Variants in UHRF2 observed in about 807,000 individuals in gnomAD.
UHRF2 encodes the protein E3 ubiquitin-protein ligase UHRF2.
Under a neutral mutation model 96.8 loss-of-function variants are expected in UHRF2, and 23 were observed. The observed-to-expected ratio is 0.24, with a 90% CI of 0.17 to 0.34. The LOEUF (loss-of-function observed/expected upper bound fraction) is 0.34, where lower values mean the gene tolerates loss of function less well. Among genes scored for constraint, UHRF2 ranks in the 10% least tolerant of loss-of-function variants. UHRF2 has a pLI of 1.00. For synonymous variants in UHRF2, 385 were observed against 332.6 expected (o/e 1.16, Z -1.72); for missense variants, 685 against 981.5 (o/e 0.70, Z 4.04).
At chr9:6,445,998 T>TTTCTTCTTC (rs1554624515) in intron 3 of UHRF2, among the ~76,000 whole-genome samples, 1 of 129,870 alleles carries the variant, frequency 7.7e-6, no homozygotes. Flanking sequence ...TTTTTTTTTT[T>TTTCTTCTTC]TTCCTGTTTT....
intron 4 of UHRF2, among the ~76,000 whole-genome samples, chr9:6,466,148 C>A (rs1009188094): frequency 3.9e-5 from 6 of 152,138 alleles, no homozygotes; most frequent in African/African-American, 1.4e-4. Flanking sequence ...TGCCTGTAAT[C>A]CTAGCACTTT....
chr9:6,487,198 T>A (rs1283324641), intron 9 of UHRF2, among the ~76,000 whole-genome samples: 1 of 134,566 alleles, frequency 7.4e-6, no homozygotes, highest in African/African-American at 2.9e-5. Context: ...TTTTTTTTTT[T>A]TTTTTTTTTG....
intron 4 of UHRF2, among the ~76,000 whole-genome samples, chr9:6,472,265 TAG>T (rs1009800886): frequency 2.6e-5 from 4 of 152,196 alleles, no homozygotes; most frequent in African/African-American, 4.8e-5. Context: ...AAAGTGAAGT[TAG>T]ACCCTTTAAA....
At chr9:6,476,387 T>C (rs183150139) in intron 5 of UHRF2, among the ~76,000 whole-genome samples, 1 of 152,358 alleles carries the variant, frequency 6.6e-6, no homozygotes, top group Non-Finnish European at 1.5e-5. Context: ...AGATTTATTT[T>C]TACACGAGTA....
chr9:6,434,909 C>T (rs898416576), intron 3 of UHRF2, among the ~76,000 whole-genome samples: 1 of 152,052 alleles, frequency 6.6e-6, no homozygotes, highest in Non-Finnish European at 1.5e-5. Flanking sequence ...TGGCTCGCTG[C>T]AATCTCCGCC....
intron 2 of UHRF2, 145 bp downstream of exon 2, chr9:6,421,287 TA>T (rs1819914963): frequency 1.5e-6 from 1 of 661,146 alleles, no homozygotes; most frequent in African/African-American, 1.8e-5. Flanking sequence ...AGTAGTCTTT[TA>T]AAAATTGATA....
chr9:6,429,530 C>T (rs1000860476), intron 2 of UHRF2, among the ~76,000 whole-genome samples: 1 of 152,088 alleles, frequency 6.6e-6, no homozygotes, highest in African/African-American at 2.4e-5. Flanking sequence ...GGGTTTTAGC[C>T]ATGTTGGCCA....
Position 6,438,138 on chromosome 9 carries a change from A to G in UHRF2, c.644+3965A>G, listed in dbSNP as rs79478212. On this transcript the variant is annotated intron_variant, in intron 3 of 15. Transcript: ENST00000276893. ...AAAGACCTGGATTATGATTGTTCCCATATTGTAAAAGCTCTTAGAAGAGAT... is the reference window on the plus strand; with the variant it reads ...AAAGACCTGGATTATGATTGTTCCCGTATTGTAAAAGCTCTTAGAAGAGAT... Among the ~76,000 whole-genome samples, 13 of 152,342 alleles carry G rather than the reference A, an allele frequency of 8.5e-5. No homozygotes were observed. In the East Asian group the frequency reaches 2.3e-3, roughly 27 times the overall value.
At chr9:6,417,456 A>G (rs1819674321) in intron 1 of UHRF2, among the ~76,000 whole-genome samples, 2 of 152,292 alleles carry the variant, frequency 1.3e-5, no homozygotes. Context: ...TTAGAGCTTA[A>G]TTTGAGTGTC....
chr9:6,423,634 A>T (rs369082775), intron 2 of UHRF2, among the ~76,000 whole-genome samples: 2 of 143,992 alleles, frequency 1.4e-5, no homozygotes, highest in Non-Finnish European at 1.5e-5. Flanking sequence ...GTCATTAGTG[A>T]TTTTTTTTTT....
intron 1 of UHRF2, chr9:6,415,215 G>T (rs1415676236): frequency 1.3e-5 from 2 of 152,204 alleles, no homozygotes; most frequent in African/African-American, 2.4e-5. Context: ...TTAAATTCAA[G>T]GCAACAAAGT....
chr9:6,448,146 C>T (rs931851842), intron 3 of UHRF2, among the ~76,000 whole-genome samples: 1 of 152,098 alleles, frequency 6.6e-6, no homozygotes, highest in Non-Finnish European at 1.5e-5. Flanking sequence ...TTGACAGAGG[C>T]TCTAGAAGAA....
At chr9:6,492,048 T>C (rs1283377566) in intron 9 of UHRF2, among the ~76,000 whole-genome samples, 1 of 152,050 alleles carries the variant, frequency 6.6e-6, no homozygotes, top group Non-Finnish European at 1.5e-5. Context: ...ATAGGAAAAA[T>C]AGCCTGAAAT....
chr9:6,486,157 A>G (rs951596856), intron 8 of UHRF2, among the ~76,000 whole-genome samples: 4 of 152,208 alleles, frequency 2.6e-5, no homozygotes, highest in African/African-American at 9.7e-5. Context: ...TTGAAAGTCA[A>G]AAGCAGAATT....
chr9:6,429,982 G>C (rs1820478100), intron 2 of UHRF2, among the ~76,000 whole-genome samples: 1 of 152,110 alleles, frequency 6.6e-6, no homozygotes, highest in Non-Finnish European at 1.5e-5. Flanking sequence ...AAAAATATTA[G>C]ATATTTGGAC....
At chr9:6,504,411 A>G (rs895764858) in intron 14 of UHRF2, 182 bp from the exon 15 acceptor site, 3 of 415,110 alleles carry the variant, frequency 7.2e-6, no homozygotes, top group Non-Finnish European at 1.3e-5. Context: ...TGAAATTTTG[A>G]TATGTTCATA....
chr9:6,429,157 T>C (rs1039977306), intron 2 of UHRF2, among the ~76,000 whole-genome samples: 2 of 149,270 alleles, frequency 1.3e-5, no homozygotes, highest in African/African-American at 5.1e-5. Flanking sequence ...AGAGCAAGAC[T>C]CTGTCTCAGG....
chr9:6,504,878 A>G (rs1379712061), intron 15 of UHRF2, among the ~76,000 whole-genome samples, 187 bp downstream of exon 15: 1 of 152,220 alleles, frequency 6.6e-6, no homozygotes, highest in Admixed American at 6.5e-5. Flanking sequence ...TAATAATTCA[A>G]ATATGTGTCA....
At chr9:6,480,408 G>T (rs1823852075) in intron 6 of UHRF2, among the ~76,000 whole-genome samples, 1 of 152,184 alleles carries the variant, frequency 6.6e-6, no homozygotes, top group African/African-American at 2.4e-5. Flanking sequence ...CACATAGGAG[G>T]TTCTGAACAA....
Sources: allele counts gnomAD v4.1 joint callset (sites outside exome capture counted in the v4.1 genomes callset), GRCh38; gene constraint gnomAD v4.1.1; transcripts MANE v1.5; gene names NCBI Gene and HGNC (gene_info 2026-07-23, HGNC 2026-07-21).